The following TRHDE variants were observed in gnomAD, a reference collection of about 807,000 sequenced individuals.
The protein encoded by TRHDE is thyrotropin releasing hormone degrading enzyme.
A neutral mutation model predicts 125.7 loss-of-function variants in TRHDE; 72 were observed. The ratio of observed to expected loss-of-function variants is 0.57; its 90% CI spans 0.47 to 0.70. The LOEUF (loss-of-function observed/expected upper bound fraction) is 0.70. Among genes scored for constraint, TRHDE ranks in the 30% least tolerant of loss-of-function variants. TRHDE has a pLI of 0.00. For missense variants in TRHDE, 1,110 were observed against 1,327.1 expected, an observed-to-expected ratio of 0.84 and a Z score of 2.54; for synonymous variants, 509 against 509.1, an observed-to-expected ratio of 1.00 and a Z score of 0.00.
At position 72,652,318 on chromosome 12, in the gene TRHDE, T is replaced by A. The variant is rs779051600; in HGVS notation, c.2676-4T>A. 3 of 1,430,870 alleles carry A rather than the reference T, an allele frequency of 2.1e-6. No individual in the cohort carries two copies. Among genetic ancestry groups the A allele is most frequent in the Non-Finnish European group, 2.8e-6 (3 of 1,083,446 alleles). 88.6% of individuals were successfully genotyped at this position (1,430,870 alleles called of 1,614,324 possible). ...CAGAAAACCACCATGGGTTGCTTCT[T>A]TAGAATACCACTAAATGTTAGAGAC... On this transcript the variant is annotated splice_region_variant and splice_polypyrimidine_tract_variant and intron_variant, in intron 15 of 18. Transcript: ENST00000261180.
intron 2 of TRHDE, among the ~76,000 whole-genome samples, chr12:72,124,272 C>T (rs1298638707): frequency 6.6e-6 from 1 of 152,122 alleles, no homozygotes; most frequent in Non-Finnish European, 1.5e-5. Context: ...GTAAGTTTTC[C>T]AGGCCTTCTT....
chr12:72,373,662 T>C (rs1307260688), intron 2 of TRHDE, among the ~76,000 whole-genome samples: 2 of 152,190 alleles, frequency 1.3e-5, no homozygotes, highest in Non-Finnish European at 2.9e-5. Context: ...GGAAGGATTT[T>C]CAGCAAGTGT....
At chr12:72,630,935 TCTAA>T (rs1007310307) in intron 15 of TRHDE, among the ~76,000 whole-genome samples, 4 of 150,112 alleles carry the variant, frequency 2.7e-5, no homozygotes, top group African/African-American at 9.7e-5. Context: ...TCTCTTTACT[TCTAA>T]CTATTAGAGT....
Position 72,170,928 on chromosome 12 carries a change from C to A in TRHDE, n.279+65176C>A, listed in dbSNP as rs564966032. Among the ~76,000 whole-genome samples the A allele has an allele frequency of 3.9e-5, 6 of 152,178 alleles. No homozygotes were observed. In the East Asian group the frequency reaches 1.2e-3, roughly 29 times the overall value. ...GAGACAGGGTGTTATAATAGATATC[C>A]AGGAAGCTAATCTATTCGAGAGCTT... On this transcript the variant is annotated intron_variant and non_coding_transcript_variant, in intron 2 of 4. Coordinates refer to the TRHDE transcript ENST00000548156.
chr12:72,153,913 C>T (rs936189064), intron 2 of TRHDE, among the ~76,000 whole-genome samples: 81 of 152,144 alleles, frequency 5.3e-4, no homozygotes, highest in South Asian at 5.0e-3. Flanking sequence ...CTATTAGGTC[C>T]GCTTGGTGCA....
At chr12:72,261,988 A>G (rs1297554108) in intron 2 of TRHDE, among the ~76,000 whole-genome samples, 1 of 152,166 alleles carries the variant, frequency 6.6e-6, no homozygotes, top group Non-Finnish European at 1.5e-5. Flanking sequence ...ACACCAGAAG[A>G]TTAAGTTCCT....
chr12:72,091,874 C>T (rs1305710158), intron 1 of TRHDE, among the ~76,000 whole-genome samples: 2 of 152,332 alleles, frequency 1.3e-5, no homozygotes, highest in African/African-American at 2.4e-5. Flanking sequence ...CCTCCTTGAT[C>T]TTGCTACCCA....
At chr12:72,582,637 G>C (rs1871287194) in intron 12 of TRHDE, 3 of 984,586 alleles carry the variant, frequency 3.0e-6, no homozygotes, top group Non-Finnish European at 2.4e-6. Context: ...TGCTTTGATA[G>C]CTGGTTGTTT....
chr12:72,543,332 A>ATAT (rs1869246598), intron 7 of TRHDE, among the ~76,000 whole-genome samples: 2 of 151,486 alleles, frequency 1.3e-5, no homozygotes, highest in Admixed American at 1.3e-4. Context: ...TATAAAAATA[A>ATAT]ATTTTTTGAA....
chr12:72,568,472 G>C (rs1249983512), intron 9 of TRHDE, 96 bp from the exon 10 acceptor site: 2 of 783,036 alleles, frequency 2.6e-6, no homozygotes, highest in Non-Finnish European at 2.0e-6. Context: ...CCTAATGAGA[G>C]TAATAAAAAT....
intron 2 of TRHDE, among the ~76,000 whole-genome samples, chr12:72,200,640 G>T (rs2139354662): frequency 6.6e-6 from 1 of 152,184 alleles, no homozygotes; most frequent in Middle Eastern, 3.4e-3. Context: ...GAGATATAAT[G>T]AAGAAAAAAC....
intron 6 of TRHDE, among the ~76,000 whole-genome samples, chr12:72,538,867 A>G (rs1179145146): frequency 6.6e-6 from 1 of 151,796 alleles, no homozygotes; most frequent in Non-Finnish European, 1.5e-5. Flanking sequence ...TTAAGTCCCG[A>G]CTTTTTTGAA....
chr12:72,099,021 C>T (rs960772642), intron 1 of TRHDE, among the ~76,000 whole-genome samples: 5 of 151,956 alleles, frequency 3.3e-5, no homozygotes, highest in Non-Finnish European at 5.9e-5. Context: ...AAAAATTTGC[C>T]GGGCATGGTG....
At chr12:72,579,996 A>G (rs1871159482) in intron 12 of TRHDE, among the ~76,000 whole-genome samples, 1 of 152,098 alleles carries the variant, frequency 6.6e-6, no homozygotes, top group Non-Finnish European at 1.5e-5. Context: ...GCAGTTGCCC[A>G]AATTTTATCT....
At chr12:72,287,134 C>A (rs756705767) in intron 2 of TRHDE, among the ~76,000 whole-genome samples, 180 bp downstream of exon 2, 1 of 151,918 alleles carries the variant, frequency 6.6e-6, no homozygotes, top group South Asian at 2.1e-4. Context: ...CAGAGATAAA[C>A]CTGTCTTCTA....
chr12:72,345,137 T>G (rs1870259381), intron 2 of TRHDE, among the ~76,000 whole-genome samples: 1 of 152,144 alleles, frequency 6.6e-6, no homozygotes, highest in East Asian at 1.9e-4. Context: ...GTAATAGTTT[T>G]TAAATACTGG....
chr12:72,350,414 T>G (rs182564704), intron 2 of TRHDE, among the ~76,000 whole-genome samples: 2 of 152,172 alleles, frequency 1.3e-5, no homozygotes, highest in Admixed American at 6.6e-5. Flanking sequence ...ATATATTAGT[T>G]ACATAATGTA....
rs187228542 is a variant in TRHDE at position 72,513,811 on chromosome 12, C to T, written c.1722+14176C>T. On this transcript the variant is annotated intron_variant, in intron 6 of 18. Transcript: ENST00000261180. ...CAGAGGTAAGAAAATAAGACAAAGC[C>T]GAAGGTGAGAAGTTTAATGGGAGGC... Among the ~76,000 whole-genome samples the T allele has an allele frequency of 1.7e-4, 26 of 151,824 alleles. No individual in the cohort carries two copies. In the East Asian group the frequency reaches 4.3e-3, roughly 25 times the overall value.
chr12:72,513,217 TG>T, intron 6 of TRHDE, among the ~76,000 whole-genome samples: 1 of 152,140 alleles, frequency 6.6e-6, no homozygotes, highest in East Asian at 1.9e-4. Context: ...ATTGTATTTT[TG>T]AAATATTTAA....
Sources: gnomAD v4.1 joint callset for allele counts (sites outside exome capture counted in the v4.1 genomes callset) on GRCh38, gnomAD v4.1.1 for gene constraint, MANE v1.5 for transcripts, NCBI Gene and HGNC (gene_info 2026-07-23, HGNC 2026-07-21) for gene names.